SLC4A5: variants seen among roughly 807,000 people sequenced by gnomAD.
The protein encoded by SLC4A5 is electrogenic sodium bicarbonate cotransporter 4.
In SLC4A5, 96 loss-of-function variants were observed where a neutral mutation model predicts 120.4. The ratio of observed to expected loss-of-function variants is 0.80; its 90% confidence interval spans 0.68 to 0.94. SLC4A5 has a LOEUF of 0.94. Ranked by LOEUF, SLC4A5 falls within the 40% of genes least tolerant of loss-of-function variation. The pLI is 0.00. For synonymous variants in SLC4A5, 550 were observed against 571.1 expected, an observed-to-expected ratio of 0.96 and a Z score of 0.53; for missense variants, 1,259 against 1,459.5, an observed-to-expected ratio of 0.86 and a Z score of 2.24.
chr2:74,294,863 G>A (rs1003873451), intron 7 of SLC4A5, among the ~76,000 whole-genome samples: 2 of 151,960 alleles, frequency 1.3e-5, no homozygotes, highest in Admixed American at 1.3e-4. Flanking sequence ...GTAGAAACTG[G>A]GTTCGCCATG....
At chr2:74,225,157 C>T in intron 27 of SLC4A5, 162 bp from the exon 28 acceptor site, 1 of 663,766 alleles carries the variant, frequency 1.5e-6, no homozygotes, top group Non-Finnish European at 2.5e-6. Context: ...CCATTATTCA[C>T]TTTCCCTCCA....
chr2:74,302,517 T>C (rs764853688), intron 7 of SLC4A5, among the ~76,000 whole-genome samples: 1 of 152,196 alleles, frequency 6.6e-6, no homozygotes, highest in African/African-American at 2.4e-5. Flanking sequence ...CTCGCGAGGC[T>C]GAGGCACGAG....
At chr2:74,280,545 T>A (rs922021919) in intron 8 of SLC4A5, among the ~76,000 whole-genome samples, 1 of 152,196 alleles carries the variant, frequency 6.6e-6, no homozygotes, top group Admixed American at 6.5e-5. Context: ...GAGCTCAGCA[T>A]CCTACTCTCC....
In SLC4A5 at chr2:74,290,587, TGAGA is replaced by T. The variant is rs1393655992; in HGVS notation, c.272-4689_272-4686del. ...AGCTACACTGAGTTAATTAAAGATC[TGAGA>T]GAGAGAGAGACAGAGAGAGAGACAG... On this transcript the variant is annotated intron_variant, in intron 7 of 30. Transcript: ENST00000394019. 14 of 936,250 alleles carry T rather than the reference TGAGA, an allele frequency of 1.5e-5. No individual in the cohort carries two copies. The East Asian group carries it at 3.9e-4, about 26-fold the overall frequency. The allele number at this position is 936,250 out of a possible 1,614,324, so 58.0% of individuals were successfully genotyped here. A position where few individuals can be genotyped will look rare whatever the true frequency, so the allele number is the denominator to read the frequency against.
chr2:74,258,996 G>T (rs991991212), intron 12 of SLC4A5, among the ~76,000 whole-genome samples: 4 of 152,152 alleles, frequency 2.6e-5, no homozygotes, highest in South Asian at 4.1e-4. Context: ...AGGTATGCAG[G>T]AGTTGGAATT....
At chr2:74,325,864 G>A (rs1673204370) in intron 5 of SLC4A5, among the ~76,000 whole-genome samples, 1 of 150,070 alleles carries the variant, frequency 6.7e-6, no homozygotes, top group Non-Finnish European at 1.5e-5. Flanking sequence ...AGGGAGGGGA[G>A]GGGAGGGGGA....
chr2:74,257,770 G>T (rs1401990226), intron 12 of SLC4A5, among the ~76,000 whole-genome samples: 1 of 152,022 alleles, frequency 6.6e-6, no homozygotes, highest in African/African-American at 2.4e-5. Flanking sequence ...TCGAGATAGG[G>T]TTTCTCCATG....
At chr2:74,317,740 T>C (rs933108471) in intron 5 of SLC4A5, among the ~76,000 whole-genome samples, 9 of 152,232 alleles carry the variant, frequency 5.9e-5, no homozygotes, top group African/African-American at 2.2e-4. Flanking sequence ...CCTAGAACCC[T>C]AATGAAGTTT....
chr2:74,339,249 G>A (rs1455777815), intron 2 of SLC4A5: 12 of 152,158 alleles, frequency 7.9e-5, no homozygotes, highest in African/African-American at 2.9e-4. Context: ...TGTTAGGGGA[G>A]GGAGAGCATC....
At chr2:74,315,690 A>G (rs557592474) in intron 5 of SLC4A5, among the ~76,000 whole-genome samples, 8 of 151,704 alleles carry the variant, frequency 5.3e-5, no homozygotes, top group Admixed American at 2.0e-4. Flanking sequence ...GCTACTTGGG[A>G]GGCTGAGGCG....
intron 30 of SLC4A5, among the ~76,000 whole-genome samples, chr2:74,219,812 A>G (rs1694566704): frequency 6.6e-6 from 1 of 152,186 alleles, no homozygotes. Context: ...CATCACATAT[A>G]TAGGAGCCTG....
intron 20 of SLC4A5, among the ~76,000 whole-genome samples, chr2:74,241,249 A>ATATTATTATTATTATTATTAT (rs145522219): frequency 1.3e-4 from 18 of 140,772 alleles, no homozygotes; most frequent in African/African-American, 4.8e-4. Context: ...TGTGCGTGTC[A>ATATTATTATTATTATTATTAT]TATTATTATT....
At chr2:74,274,731 A>G (rs1457209999) in intron 8 of SLC4A5, among the ~76,000 whole-genome samples, 1 of 152,212 alleles carries the variant, frequency 6.6e-6, no homozygotes, top group Admixed American at 6.5e-5. Flanking sequence ...CATAAACCTG[A>G]AGGCCAATTT....
intron 20 of SLC4A5, among the ~76,000 whole-genome samples, chr2:74,240,595 C>A (rs1670408604): frequency 6.6e-6 from 1 of 151,994 alleles, no homozygotes; most frequent in South Asian, 2.1e-4. Context: ...ATAGTGAGAC[C>A]TTGTCTCTAC....
intron 25 of SLC4A5, 27 bp from the exon 26 acceptor site, chr2:74,227,905 G>A (rs375444222): frequency 2.7e-4 from 421 of 1,568,302 alleles, no homozygotes; most frequent in Non-Finnish European, 3.5e-4. Context: ...GCTTTGGATC[G>A]GCCTCTGCCT....
At chr2:74,291,886 C>T (rs964322468) in intron 7 of SLC4A5, among the ~76,000 whole-genome samples, 2 of 152,348 alleles carry the variant, frequency 1.3e-5, no homozygotes, top group Middle Eastern at 3.4e-3. Flanking sequence ...CCAGCTCCTT[C>T]TGAGTGGCCA....
intron 7 of SLC4A5, among the ~76,000 whole-genome samples, chr2:74,294,828 C>T (rs112332595): frequency 6.6e-6 from 1 of 151,982 alleles, no homozygotes; most frequent in African/African-American, 2.4e-5. Context: ...TCTGCCACCA[C>T]GCCCGGCTAA....
intron 5 of SLC4A5, among the ~76,000 whole-genome samples, chr2:74,320,613 AC>A (rs1331000390): frequency 6.6e-6 from 1 of 152,194 alleles, no homozygotes; most frequent in Admixed American, 6.5e-5. Context: ...TCAAAAATTT[AC>A]CTTCGATGCA....
At chr2:74,217,597 A>G (rs1236053172) in exon 31 of SLC4A5, 1 of 152,244 alleles carries the variant, frequency 6.6e-6, no homozygotes, top group Non-Finnish European at 1.5e-5. Context: ...GATTCCAGGT[A>G]TGAAAAACCA....
Sources: allele counts gnomAD v4.1 joint callset (sites outside exome capture counted in the v4.1 genomes callset), GRCh38; gene constraint gnomAD v4.1.1; transcripts MANE v1.5; gene names NCBI Gene and HGNC (gene_info 2026-07-23, HGNC 2026-07-21).